The following VWA8 variants were observed in gnomAD, a reference collection of about 807,000 sequenced individuals.
VWA8 encodes the protein von Willebrand factor A domain containing 8, also known as von Willebrand factor A domain-containing protein 8.
Under a neutral mutation model 241.5 loss-of-function variants are expected in VWA8, and 221 were observed. The observed-to-expected ratio is 0.91, with a 90% CI of 0.82 to 1.02. VWA8 has a LOEUF of 1.02. Among genes scored for constraint, VWA8 ranks in the 50% least tolerant of loss-of-function variants. VWA8 has a pLI of 0.00. For missense variants in VWA8, 2,322 were observed against 2,328.7 expected, an observed-to-expected ratio of 1.00 and a Z score of 0.06; for synonymous variants, 852 against 827.1, an observed-to-expected ratio of 1.03 and a Z score of -0.52.
At chr13:41,835,352 T>C (rs564944744) in intron 12 of VWA8, among the ~76,000 whole-genome samples, 1 of 152,292 alleles carries the variant, frequency 6.6e-6, no homozygotes, top group South Asian at 2.1e-4. Flanking sequence ...CTCAGCAACT[T>C]CCCATAAACT....
chr13:41,789,725 G>C (rs1012686586), intron 17 of VWA8, among the ~76,000 whole-genome samples: 1 of 151,842 alleles, frequency 6.6e-6, no homozygotes, highest in Non-Finnish European at 1.5e-5. Context: ...TAGGAAGGAG[G>C]GGTGTTACTT....
intron 26 of VWA8, among the ~76,000 whole-genome samples, chr13:41,703,824 C>T (rs1478096740): frequency 6.7e-6 from 1 of 148,528 alleles, no homozygotes; most frequent in Non-Finnish European, 1.5e-5. Flanking sequence ...GTTGCCCAGA[C>T]TGGAGTGCAG....
intron 19 of VWA8, among the ~76,000 whole-genome samples, chr13:41,781,535 G>A (rs147288895): frequency 1.2e-4 from 18 of 152,212 alleles, no homozygotes; most frequent in South Asian, 2.1e-4. Flanking sequence ...CTAGAGCTGC[G>A]TATACTTGTG....
rs148096002 is a variant in VWA8 at position 41,590,404 on chromosome 13, A to T, written c.5112+236T>A. 6.5e-4 allele frequency among the ~76,000 whole-genome samples: 99 copies of T among 152,160 alleles called. 1 individual carries two copies. In the South Asian group the frequency reaches 0.015, roughly 23 times the overall value. On this transcript the variant is annotated intron_variant, in intron 41 of 44. Transcript: ENST00000379310. ...AGTCTTTGTACTGACTGTTTCTTAA[A>T]TTACCTAATTTGAGCATGCCTTATG... is the stretch of plus-strand genomic sequence containing the variant.
chr13:41,711,596 C>T (rs529879489), intron 26 of VWA8, among the ~76,000 whole-genome samples: 7 of 152,058 alleles, frequency 4.6e-5, no homozygotes, highest in South Asian at 2.1e-4. Context: ...AATTTCAGGC[C>T]GGGCATGGTG....
At chr13:41,952,046 G>T (rs145687191) in intron 1 of VWA8, among the ~76,000 whole-genome samples, 3 of 152,066 alleles carry the variant, frequency 2.0e-5, no homozygotes, top group African/African-American at 4.8e-5. Context: ...CCCGTGCACC[G>T]CTCCCTTTTC....
intron 40 of VWA8, among the ~76,000 whole-genome samples, chr13:41,601,021 C>T (rs554982719): frequency 1.3e-5 from 2 of 152,122 alleles, no homozygotes; most frequent in African/African-American, 2.4e-5. Flanking sequence ...GAAGATAGAA[C>T]CAGCTCTCAG....
intron 39 of VWA8, among the ~76,000 whole-genome samples, chr13:41,605,977 G>A (rs751825963): frequency 2.6e-5 from 4 of 152,000 alleles, no homozygotes; most frequent in Admixed American, 1.3e-4. Flanking sequence ...GAAGCTCCCC[G>A]TACACATCAC....
intron 34 of VWA8, among the ~76,000 whole-genome samples, chr13:41,686,346 G>GT (rs199912243): frequency 6.5e-4 from 99 of 151,938 alleles, no homozygotes; most frequent in African/African-American, 2.3e-3. Flanking sequence ...TATTGTCAGT[G>GT]TTTTTTTTAT....
chr13:41,949,874 T>G lies in VWA8; in HGVS notation c.241+62A>C, dbSNP rs554425114. On this transcript the variant is annotated intron_variant, in intron 2 of 44. Coordinates refer to ENST00000379310, the MANE Select transcript of VWA8 (RefSeq NM_015058.2). ...TATTCTCTCTAGCTTTAAATAACTT[T>G]GAAAATTCCTATAATGAAAAGTTAA... 25 of 1,049,972 alleles carry G rather than the reference T, an allele frequency of 2.4e-5. No homozygotes were observed. The South Asian group carries it at 3.2e-4, about 13-fold the overall frequency. The allele number at this position is 1,049,972 out of a possible 1,614,324, so 65.0% of individuals were successfully genotyped here.
intron 2 of VWA8, among the ~76,000 whole-genome samples, chr13:41,918,070 CGAACTAACT>C (rs1337622134): frequency 6.6e-6 from 1 of 152,110 alleles, no homozygotes; most frequent in African/African-American, 2.4e-5. Context: ...ATTTACAACA[CGAACTAACT>C]GAACTAAAAA....
chr13:41,818,338 AGG>A lies in VWA8; in HGVS notation c.1869+878_1869+879del, dbSNP rs112629582. 7.0e-4 allele frequency among the ~76,000 whole-genome samples: 104 copies of A among 148,598 alleles called. 1 individual carries two copies. The South Asian group carries it at 0.017, about 24-fold the overall frequency. On this transcript the variant is annotated intron_variant, in intron 15 of 44. Coordinates refer to ENST00000379310, the MANE Select transcript of VWA8 (RefSeq NM_015058.2). ...GTAATCCCAGCACTTTGGGAGGCCA[AGG>A]GGGGGTGGATCAATTGAGGCCAGGA...
At chr13:41,749,870 G>A (rs1005295144) in intron 21 of VWA8, among the ~76,000 whole-genome samples, 1 of 147,054 alleles carries the variant, frequency 6.8e-6, no homozygotes, top group Non-Finnish European at 1.5e-5. Context: ...TCCGGGGCCT[G>A]TTGTGGGGTC....
At chr13:41,812,421 G>A (rs1215149471) in intron 16 of VWA8, among the ~76,000 whole-genome samples, 3 of 152,212 alleles carry the variant, frequency 2.0e-5, no homozygotes, top group South Asian at 2.1e-4. Context: ...GGGAGGGCAA[G>A]GCAGGTCAGT....
At chr13:41,786,703 T>A (rs188763448) in intron 18 of VWA8, among the ~76,000 whole-genome samples, 2 of 152,264 alleles carry the variant, frequency 1.3e-5, no homozygotes, top group African/African-American at 4.8e-5. Context: ...AATACCAAAT[T>A]CTTGTCTCAG....
At chr13:41,579,177 G>A (rs927128250) in intron 42 of VWA8, among the ~76,000 whole-genome samples, 7 of 152,178 alleles carry the variant, frequency 4.6e-5, no homozygotes, top group Non-Finnish European at 8.8e-5. Flanking sequence ...AAGTAGGTAC[G>A]AGACAATCAT....
intron 37 of VWA8, among the ~76,000 whole-genome samples, chr13:41,621,602 A>G (rs188357056): frequency 1.3e-5 from 2 of 152,338 alleles, no homozygotes; most frequent in East Asian, 3.9e-4. Context: ...GCAAATTCCT[A>G]TGTGTCTACT....
At chr13:41,954,156 C>T (rs546664765) in intron 1 of VWA8, among the ~76,000 whole-genome samples, 2 of 152,102 alleles carry the variant, frequency 1.3e-5, no homozygotes, top group East Asian at 3.9e-4. Flanking sequence ...TAATCCATAC[C>T]AATGTCCCAA....
intron 37 of VWA8, among the ~76,000 whole-genome samples, chr13:41,652,087 G>A (rs2044872831): frequency 2.0e-5 from 3 of 152,204 alleles, no homozygotes; most frequent in Admixed American, 2.0e-4. Flanking sequence ...CATGGCAACA[G>A]CTAGGTAGTG....
Sources: gnomAD v4.1 joint callset for allele counts (sites outside exome capture counted in the v4.1 genomes callset) on GRCh38, gnomAD v4.1.1 for gene constraint, MANE v1.5 for transcripts, NCBI Gene and HGNC (gene_info 2026-07-23, HGNC 2026-07-21) for gene names.